PDE3B: variants seen among roughly 807,000 people sequenced by gnomAD.
The protein encoded by PDE3B is phosphodiesterase 3B, also known as cGMP-inhibited 3',5'-cyclic phosphodiesterase 3B.
Under a neutral mutation model 116.8 loss-of-function variants are expected in PDE3B, and 66 were observed. That is an observed-to-expected ratio of 0.56 (90% CI 0.46 to 0.69). PDE3B has a LOEUF of 0.69. Among genes scored for constraint, PDE3B ranks in the 30% least tolerant of loss-of-function variants. PDE3B has a pLI of 0.00. For synonymous variants in PDE3B, 595 were observed against 533.6 expected, an observed-to-expected ratio of 1.12 and a Z score of -1.59; for missense variants, 1,384 against 1,368.1, an observed-to-expected ratio of 1.01 and a Z score of -0.18.
the PDE3B span, among the ~76,000 whole-genome samples, chr11:14,892,437 G>A: frequency 1.3e-5 from 2 of 152,230 alleles, no homozygotes; most frequent in Non-Finnish European, 2.9e-5. Flanking sequence ...AGGTGGCGCG[G>A]CTCTAGGCGG....
At chr11:14,671,971 TGTG>T (rs1364770019) in intron 1 of PDE3B, among the ~76,000 whole-genome samples, 1 of 150,400 alleles carries the variant, frequency 6.6e-6, no homozygotes, top group Non-Finnish European at 1.5e-5. Context: ...GAGCTGTGAT[TGTG>T]GTACTGTACT....
rs755152977 is a variant in PDE3B at position 14,771,975 on chromosome 11, G to A, written c.1017G>A (p.Lys339=). Residue 339 remains lysine (K), a synonymous_variant, in exon 2 of 16, where the codon AAG becomes AAA. Coordinates refer to ENST00000282096, the MANE Select transcript of PDE3B (RefSeq NM_000922.4). ...ATTGGGACTTAAAACAATGGTATAA[G>A]CCTCATTATCAAGTAAGTATAATTA... ...LWDWDLKQWY[K]PHYQNSGGGN... is the part of the protein sequence containing the mutation. 2.3e-6 allele frequency: 3 copies of A among 1,322,250 alleles called. No individual in the cohort carries two copies. In the East Asian group the frequency reaches 8.0e-5, roughly 35 times the overall value. The allele number at this position is 1,322,250 out of a possible 1,614,324, so 81.9% of individuals were successfully genotyped here.
At chr11:14,658,544 C>A (rs563471538) in intron 1 of PDE3B, among the ~76,000 whole-genome samples, 27 of 151,934 alleles carry the variant, frequency 1.8e-4, no homozygotes, top group African/African-American at 6.5e-4. Context: ...TTAGTAGAGA[C>A]GGGGGTTTTG....
In PDE3B at chr11:14,871,727, T is replaced by C. The variant is rs1848144504; in HGVS notation, c.*2067T>C. The C allele has an allele frequency of 6.6e-6, 1 of 152,104 alleles. No individual in the cohort carries two copies. Among genetic ancestry groups the C allele is most frequent in the African/African-American group, 2.4e-5 (1 of 41,424 alleles). The allele number at this position is 152,104 out of a possible 1,614,324, so 9.4% of individuals were successfully genotyped here. On this transcript the variant is annotated 3_prime_UTR_variant, in exon 16 of 16. Transcript: ENST00000282096. The stretch of plus-strand genomic sequence containing the variant: ...TTTAACCCTTGCTAAGTAATTGACA[T>C]ATGTAACAATAACTAGCCTAAAGAA...
rs2133999823 is a variant in PDE3B at position 14,870,950 on chromosome 11, T to G, written c.*1290T>G. 1 of 152,308 alleles carries G rather than the reference T, an allele frequency of 6.6e-6. No homozygotes were observed. The highest frequency in any genetic ancestry group is 6.5e-5 in the Admixed American group (1 of 15,290). 9.4% of individuals were successfully genotyped at this position (152,308 alleles called of 1,614,324 possible). A position where few individuals can be genotyped will look rare whatever the true frequency, so the allele number is the denominator to read the frequency against. ...TTGTAAACTTGCTAGTGTGTGGATATGTACCCTACTTGTGAAATACATTTG... is the reference window on the plus strand; with the variant it reads ...TTGTAAACTTGCTAGTGTGTGGATAGGTACCCTACTTGTGAAATACATTTG... On this transcript the variant is annotated 3_prime_UTR_variant, in exon 16 of 16. Coordinates refer to ENST00000282096, the MANE Select transcript of PDE3B (RefSeq NM_000922.4). This position sits in a 1 kb window ranked among gnomAD's most constrained non-coding sequence, Gnocchi z 4.1.
the PDE3B span, among the ~76,000 whole-genome samples, chr11:14,884,616 G>A: frequency 6.6e-6 from 1 of 151,362 alleles, no homozygotes; most frequent in African/African-American, 2.4e-5. Flanking sequence ...TACCAGCATG[G>A]CACATGTATA....
rs545569911 is a variant in PDE3B at position 14,771,369 on chromosome 11, T to A, written c.979-568T>A. On this transcript the variant is annotated intron_variant, in intron 1 of 15. Coordinates refer to ENST00000282096, the MANE Select transcript of PDE3B (RefSeq NM_000922.4). ...AAGAAGGGCAGGAAAAAAACTAGTC[T>A]GGGACTAAAGTTACCATTGATAAGC... is the stretch of plus-strand genomic sequence containing the variant. Among the ~76,000 whole-genome samples the A allele has an allele frequency of 1.7e-4, 26 of 151,816 alleles. 1 individual carries two copies. In the South Asian group the frequency reaches 5.2e-3, roughly 30 times the overall value.
chr11:14,705,840 A>G (rs1855515858), intron 1 of PDE3B, among the ~76,000 whole-genome samples: 1 of 151,838 alleles, frequency 6.6e-6, no homozygotes, highest in African/African-American at 2.4e-5. Context: ...ATATAGCATG[A>G]TGTTAACTTT....
intron 12 of PDE3B, among the ~76,000 whole-genome samples, chr11:14,853,170 C>G (rs1196298213): frequency 6.6e-6 from 1 of 152,304 alleles, no homozygotes; most frequent in South Asian, 2.1e-4. Context: ...CTCCTTCCAT[C>G]TAAAATTTCA....
the PDE3B span, among the ~76,000 whole-genome samples, chr11:14,893,277 A>G: frequency 1.3e-5 from 2 of 152,350 alleles, no homozygotes; most frequent in Admixed American, 1.3e-4. Flanking sequence ...ATCAGAAGCA[A>G]ACAAAAAGTG....
At chr11:14,746,073 C>T (rs1288490896) in intron 1 of PDE3B, among the ~76,000 whole-genome samples, 1 of 152,234 alleles carries the variant, frequency 6.6e-6, no homozygotes, top group Non-Finnish European at 1.5e-5. Context: ...GAAGCCCTCT[C>T]ATAAAATTGT....
In PDE3B at chr11:14,831,918, T is replaced by C. The variant is rs1208524249; in HGVS notation, c.2094+141T>C. Reference sequence around the variant, plus strand: ...TATTTTTTTCAGAAAAAAATAAATATATACATAAAACAATTATATATAAGA... The same window carrying C: ...TATTTTTTTCAGAAAAAAATAAATACATACATAAAACAATTATATATAAGA... On this transcript the variant is annotated intron_variant, in intron 9 of 15. Coordinates refer to ENST00000282096, the MANE Select transcript of PDE3B (RefSeq NM_000922.4). 3 of 524,528 alleles carry C rather than the reference T, an allele frequency of 5.7e-6. No individual in the cohort carries two copies. In the African/African-American group the frequency reaches 5.9e-5, roughly 10 times the overall value. 32.5% of individuals were successfully genotyped at this position (524,528 alleles called of 1,614,324 possible).
the PDE3B span, among the ~76,000 whole-genome samples, chr11:14,879,852 T>C: frequency 6.6e-5 from 10 of 152,280 alleles, no homozygotes; most frequent in Non-Finnish European, 1.3e-4. Flanking sequence ...AAATTAGTTT[T>C]TAAAATTCTA....
At chr11:14,851,306 T>C (rs1341123833) in intron 12 of PDE3B, among the ~76,000 whole-genome samples, 4 of 152,184 alleles carry the variant, frequency 2.6e-5, no homozygotes, top group Non-Finnish European at 5.9e-5. Flanking sequence ...CACTTCTTTA[T>C]TCTATGTTTA....
intron 1 of PDE3B, among the ~76,000 whole-genome samples, chr11:14,722,769 C>CAG (rs1315345646): frequency 2.0e-5 from 3 of 152,166 alleles, no homozygotes; most frequent in Non-Finnish European, 4.4e-5. Context: ...AAGCCACTTT[C>CAG]AGATTCTTGA....
chr11:14,713,459 A>G (rs1313801276), intron 1 of PDE3B, among the ~76,000 whole-genome samples: 2 of 152,184 alleles, frequency 1.3e-5, no homozygotes, highest in Non-Finnish European at 2.9e-5. Flanking sequence ...ACTGCCTTCA[A>G]ACTGGGACAT....
intron 1 of PDE3B, among the ~76,000 whole-genome samples, chr11:14,656,009 A>G (rs768902778): frequency 9.2e-5 from 14 of 152,196 alleles, no homozygotes; most frequent in Admixed American, 3.3e-4. Flanking sequence ...TAGAGAGATT[A>G]TTGACAATGG....
At chr11:14,788,352 A>T (rs1858276052) in intron 3 of PDE3B, among the ~76,000 whole-genome samples, 2 of 152,002 alleles carry the variant, frequency 1.3e-5, no homozygotes, top group African/African-American at 4.8e-5. Flanking sequence ...CAACAAGGAT[A>T]TTAACATAAA....
intron 1 of PDE3B, among the ~76,000 whole-genome samples, chr11:14,735,474 G>T (rs1165083542): frequency 6.6e-6 from 1 of 152,066 alleles, no homozygotes; most frequent in East Asian, 1.9e-4. Context: ...ACAATTTCTG[G>T]TGAAAACTAT....
Sources: gnomAD v4.1 joint callset for allele counts (sites outside exome capture counted in the v4.1 genomes callset) on GRCh38, gnomAD v4.1.1 for gene constraint, Gnocchi (gnomAD v3.1) non-coding constraint, MANE v1.5 for transcripts, NCBI Gene and HGNC (gene_info 2026-07-23, HGNC 2026-07-21) for gene names.